Variants in OSCP1 observed in about 807,000 individuals in gnomAD.
OSCP1 encodes the protein organic solute carrier partner 1, also known as protein OSCP1.
A neutral mutation model predicts 45.1 loss-of-function variants in OSCP1; 35 were observed. The ratio of observed to expected loss-of-function variants is 0.78; its 90% CI spans 0.59 to 1.03. OSCP1 has a LOEUF of 1.03. Among genes scored for constraint, OSCP1 ranks in the 50% least tolerant of loss-of-function variants. The pLI is 0.00. For missense variants in OSCP1, 400 were observed against 470.7 expected (o/e 0.85, Z 1.39); for synonymous variants, 179 against 180.1 (o/e 0.99, Z 0.05).
chr1:36,450,139 TC>T, intron 1 of OSCP1, 118 bp downstream of exon 1: 1 of 778,372 alleles, frequency 1.3e-6, no homozygotes, highest in Non-Finnish European at 2.1e-6. Flanking sequence ...GTAAGAAAGG[TC>T]CCTGGTTATA....
At chr1:36,419,799 C>A (rs932468070) in intron 8 of OSCP1, among the ~76,000 whole-genome samples, 2 of 152,108 alleles carry the variant, frequency 1.3e-5, no homozygotes, top group African/African-American at 4.8e-5. Context: ...AACATTATAA[C>A]TCTTTTTTTG....
chr1:36,437,055 T>C (rs1648794787), intron 2 of OSCP1, among the ~76,000 whole-genome samples: 1 of 152,182 alleles, frequency 6.6e-6, no homozygotes, highest in African/African-American at 2.4e-5. Flanking sequence ...ACTGTTGATG[T>C]TACCTTGACC....
chr1:36,422,979 CA>C, intron 5 of OSCP1, 83 bp from the exon 6 acceptor site: 2 of 1,195,142 alleles, frequency 1.7e-6, no homozygotes, highest in Non-Finnish European at 1.1e-6. Flanking sequence ...TACTACAGAA[CA>C]AAAAAGGAAT....
At chr1:36,431,999 C>T (rs1398362772) in intron 3 of OSCP1, 117 bp from the exon 4 acceptor site, 1 of 891,328 alleles carries the variant, frequency 1.1e-6, no homozygotes, top group Non-Finnish European at 1.7e-6. Flanking sequence ...GAGGACTGGG[C>T]TGCTGGGCAG....
Position 36,450,311 on chromosome 1 carries a change from A to T in OSCP1, c.59T>A (p.Ile20Asn). The T allele has an allele frequency of 6.2e-7, 1 of 1,613,452 alleles. No individual in the cohort carries two copies. The highest frequency in any genetic ancestry group is 8.5e-7 in the Non-Finnish European group (1 of 1,179,868). Reference sequence around the variant, plus strand: ...CTGGGCCCGCAGCCGTTGGTCGAGGATGTAAAGCATCTCCCCGCCCAAGTT... The same window carrying T: ...CTGGGCCCGCAGCCGTTGGTCGAGGTTGTAAAGCATCTCCCCGCCCAAGTT... ...FLNLGGEMLY[I>N]LDQRLRAQNI... Residue 20 changes from isoleucine (I) to asparagine (N), a missense_variant, in exon 1 of 10, where the codon ATC (isoleucine) becomes AAC (asparagine). Ile to Asn is a moderately radical substitution (Grantham distance 149, BLOSUM62 -3). Transcript: ENST00000235532.
At chr1:36,423,952 A>ATT (rs58118366) in intron 4 of OSCP1, among the ~76,000 whole-genome samples, 5 of 149,324 alleles carry the variant, frequency 3.3e-5, no homozygotes, top group Admixed American at 2.7e-4. Context: ...AAACAGAACT[A>ATT]TTTTTTTTTT....
At chr1:36,438,998 G>A (rs1407073155) in intron 1 of OSCP1, 88 bp from the exon 2 acceptor site, 26 of 1,429,868 alleles carry the variant, frequency 1.8e-5, no homozygotes, top group Non-Finnish European at 2.4e-5. Flanking sequence ...CAGGAGCTGA[G>A]CGTGTACAGT....
chr1:36,418,760 T>C (rs1045489465), intron 9 of OSCP1, among the ~76,000 whole-genome samples: 2 of 81,958 alleles, frequency 2.4e-5, no homozygotes, highest in African/African-American at 7.9e-5. Flanking sequence ...CTACTAAAAA[T>C]ACAAAAAAAA....
intron 5 of OSCP1, 87 bp downstream of exon 5, chr1:36,423,276 G>A (rs1647762094): frequency 9.4e-7 from 1 of 1,061,014 alleles, no homozygotes; most frequent in Admixed American, 1.7e-5. Flanking sequence ...GACTGTGAGT[G>A]GCTTGGCAGT....
intron 1 of OSCP1, 23 bp from the exon 2 acceptor site, chr1:36,438,933 A>G: frequency 1.9e-6 from 3 of 1,611,178 alleles, no homozygotes; most frequent in Non-Finnish European, 2.5e-6. Context: ...GAGAGAACAC[A>G]GCTGAGCAAA....
chr1:36,444,454 G>A (rs569268022), intron 1 of OSCP1, among the ~76,000 whole-genome samples: 3 of 152,168 alleles, frequency 2.0e-5, no homozygotes, highest in East Asian at 3.9e-4. Flanking sequence ...TATACAATCT[G>A]AGTTTTCTTT....
At chr1:36,444,628 G>T (rs756991111) in intron 1 of OSCP1, among the ~76,000 whole-genome samples, 1 of 152,098 alleles carries the variant, frequency 6.6e-6, no homozygotes, top group African/African-American at 2.4e-5. Context: ...AAAAAGAAGC[G>T]AATAATGATG....
At chr1:36,441,400 C>G (rs1219464246) in intron 1 of OSCP1, among the ~76,000 whole-genome samples, 1 of 152,108 alleles carries the variant, frequency 6.6e-6, no homozygotes, top group Non-Finnish European at 1.5e-5. Context: ...TATCCTGGCC[C>G]TAGAGAAGCA....
rs989224546 is a variant in OSCP1, at chr1:36,419,959, C to T, written c.959+517G>A. Among the ~76,000 whole-genome samples the T allele has an allele frequency of 4.0e-5, 6 of 151,294 alleles. No individual in the cohort carries two copies. In the East Asian group the frequency reaches 9.7e-4, roughly 24 times the overall value. On this transcript the variant is annotated intron_variant, in intron 8 of 9. Coordinates refer to ENST00000235532, the MANE Select transcript of OSCP1 (RefSeq NM_145047.5). Reference sequence around the variant, plus strand: ...TCGTGGGTAGCTGGGACTACAGGTGCGCACCATCACACCGTCTCTTTTTTT... The same window carrying T: ...TCGTGGGTAGCTGGGACTACAGGTGTGCACCATCACACCGTCTCTTTTTTT...
intron 1 of OSCP1, among the ~76,000 whole-genome samples, chr1:36,445,070 C>T (rs916655113): frequency 5.3e-5 from 8 of 152,160 alleles, no homozygotes; most frequent in Admixed American, 3.3e-4. Flanking sequence ...AACATTTTGG[C>T]GAGGCACAGT....
chr1:36,433,023 C>T (rs185905564), intron 2 of OSCP1, among the ~76,000 whole-genome samples: 2 of 152,230 alleles, frequency 1.3e-5, no homozygotes, highest in Non-Finnish European at 2.9e-5. Context: ...TAAAAAAATA[C>T]TCTCTAATTT....
intron 4 of OSCP1, 84 bp downstream of exon 4, chr1:36,431,718 G>T: frequency 7.5e-7 from 1 of 1,340,560 alleles, no homozygotes; most frequent in Non-Finnish European, 1.0e-6. Flanking sequence ...CAAAATCTCC[G>T]TCCTTGTTTG....
chr1:36,430,724 G>A (rs1384082184), intron 4 of OSCP1, among the ~76,000 whole-genome samples: 1 of 152,170 alleles, frequency 6.6e-6, no homozygotes, highest in Non-Finnish European at 1.5e-5. Flanking sequence ...GTGCGATCCC[G>A]GCTCACTGTA....
chr1:36,450,138 G>T (rs567817099), intron 1 of OSCP1, 120 bp downstream of exon 1: 27 of 783,704 alleles, frequency 3.4e-5, no homozygotes, highest in Non-Finnish European at 5.7e-5. Context: ...TGTAAGAAAG[G>T]TCCCTGGTTA....
Sources: allele counts gnomAD v4.1 joint callset (sites outside exome capture counted in the v4.1 genomes callset), GRCh38; gene constraint gnomAD v4.1.1; transcripts MANE v1.5; gene names NCBI Gene and HGNC (gene_info 2026-07-23, HGNC 2026-07-21).